Variants in SNAPC4 observed in about 807,000 individuals in gnomAD.
The protein encoded by SNAPC4 is snRNA-activating protein complex subunit 4.
In SNAPC4, 127 loss-of-function variants were observed where a neutral mutation model predicts 151.3. The observed-to-expected ratio is 0.84, with a 90% CI of 0.73 to 0.97. The LOEUF (loss-of-function observed/expected upper bound fraction) is 0.97. SNAPC4 is among the 50% of genes least tolerant of loss of function. SNAPC4 has a pLI of 0.00. For synonymous variants in SNAPC4, 1,002 were observed against 824.4 expected (o/e 1.22, Z -3.69); for missense variants, 2,186 against 1,935.0 (o/e 1.13, Z -2.43).
rs751068001 is a variant in SNAPC4 at position 136,376,380 on chromosome 9, G to A, written c.4386C>T (p.Thr1462=). 3.7e-6 allele frequency: 6 copies of A among 1,613,320 alleles called. No homozygotes were observed. The highest frequency in any genetic ancestry group is 5.1e-6 in the Non-Finnish European group (6 of 1,179,962). The change falls in exon 23 of 24, where the codon ACC becomes ACT. Residue 1462 remains threonine (T), a synonymous_variant. Transcript: ENST00000684778. ...CTCACACCAGCCGCCTCCGCTTCCG[G>A]GTGTGCCTGGCATGCCGGGTTCTGA... is the stretch of plus-strand genomic sequence containing the variant. ...DVLRTRHARH[T]RKRRRLV is the part of the protein sequence containing the mutation.
In SNAPC4 at chr9:136,382,186, G is replaced by C. The variant is rs914246565; in HGVS notation, c.2067+67C>G. On this transcript the variant is annotated intron_variant, in intron 17 of 23. Coordinates refer to ENST00000684778, the MANE Select transcript of SNAPC4 (RefSeq NM_003086.4). ...CCCATCAGGGCATGATCGACGGGGAGAGGAATCACTCAGACCAGGGCGGGG... is the reference window on the plus strand; with the variant it reads ...CCCATCAGGGCATGATCGACGGGGACAGGAATCACTCAGACCAGGGCGGGG... The C allele has an allele frequency of 2.5e-6, 4 of 1,596,510 alleles. No individual in the cohort carries two copies. The East Asian group carries it at 9.0e-5, about 36-fold the overall frequency.
chr9:136,398,547 G>A, intron 1 of SNAPC4, 110 bp from the exon 2 acceptor site: 2 of 1,236,082 alleles, frequency 1.6e-6, no homozygotes, highest in Non-Finnish European at 2.3e-6. Flanking sequence ...CTCGGCAGTG[G>A]GCACTGGGCT....
intron 14 of SNAPC4, 22 bp downstream of exon 14, chr9:136,384,698 G>A: frequency 1.7e-6 from 2 of 1,193,444 alleles, no homozygotes; most frequent in South Asian, 1.3e-5. Context: ...GAAACTAGAA[G>A]AACAAACTGT....
intron 21 of SNAPC4, 22 bp downstream of exon 21, chr9:136,379,815 C>T: frequency 6.2e-7 from 1 of 1,611,034 alleles, no homozygotes; most frequent in Non-Finnish European, 8.5e-7. Context: ...TCTTCCCCAC[C>T]AGGGCAGAGA....
chr9:136,394,375 C>G (rs771928618), intron 6 of SNAPC4, 45 bp from the exon 7 acceptor site: 2 of 1,533,266 alleles, frequency 1.3e-6, no homozygotes, highest in African/African-American at 2.7e-5. Flanking sequence ...TGGATCCTCT[C>G]CACGGCCCAG....
chr9:136,394,708 G>T, intron 6 of SNAPC4, 92 bp downstream of exon 6: 1 of 1,147,888 alleles, frequency 8.7e-7, no homozygotes, highest in Non-Finnish European at 1.3e-6. Context: ...AACAGAGAGA[G>T]GTCTGAGAAC....
intron 1 of SNAPC4, 104 bp from the exon 2 acceptor site, chr9:136,398,541 G>T: frequency 7.4e-7 from 1 of 1,349,254 alleles, no homozygotes; most frequent in Non-Finnish European, 1.0e-6. Flanking sequence ...AGCCTGCTCG[G>T]CAGTGGGCAC....
At chr9:136,398,475 G>C (rs569329122) in intron 1 of SNAPC4, 38 bp from the exon 2 acceptor site, 1 of 1,596,414 alleles carries the variant, frequency 6.3e-7, no homozygotes, top group Non-Finnish European at 8.6e-7. Context: ...TAGAAACCAA[G>C]ACCGTGCCGG....
At chr9:136,379,888 C>A in intron 20 of SNAPC4, 24 bp from the exon 21 acceptor site, 2 of 1,609,470 alleles carry the variant, frequency 1.2e-6, no homozygotes, top group South Asian at 2.2e-5. Flanking sequence ...AGAGGAGAGT[C>A]AGCAGCTCAG....
rs1007118087 is a variant in SNAPC4 at position 136,384,623 on chromosome 9, T to A, written c.1420+97A>T. ...ATGGTCGCACCACCGCACCCCAGCC[T>A]GGACGACAGAGCTTGCTCTGTCTTT... On this transcript the variant is annotated intron_variant, in intron 14 of 23. Transcript: ENST00000684778. 4 of 646,444 alleles carry A rather than the reference T, an allele frequency of 6.2e-6. No individual in the cohort carries two copies. In the East Asian group the frequency reaches 1.2e-4, roughly 20 times the overall value. The allele number at this position is 646,444 out of a possible 1,614,324, so 40.0% of individuals were successfully genotyped here. A position where few individuals can be genotyped will look rare whatever the true frequency, so the allele number is the denominator to read the frequency against.
chr9:136,383,885 G>A lies in SNAPC4; in HGVS notation c.1500+68C>T. 1 of 1,447,218 alleles carries A rather than the reference G, an allele frequency of 6.9e-7. No homozygotes were observed. Among genetic ancestry groups the A allele is most frequent in the South Asian group, 1.1e-5 (1 of 86,972 alleles). 89.6% of individuals were successfully genotyped at this position (1,447,218 alleles called of 1,614,324 possible). On this transcript the variant is annotated intron_variant, in intron 15 of 23. Transcript: ENST00000684778. The surrounding 1 kb of genome is among the most constrained non-coding windows in gnomAD (Gnocchi z 4.2). ...CGCCCCCCTCCCCTCCCCTCCTCCT[G>A]CCTGCTGGACCCCCCAGTTGACCAG...
At chr9:136,385,560 C>A (rs866262053) in intron 13 of SNAPC4, among the ~76,000 whole-genome samples, 10 of 134,708 alleles carry the variant, frequency 7.4e-5, no homozygotes, top group Non-Finnish European at 3.4e-5. Flanking sequence ...CCACTCCCCC[C>A]CCTTTTGTTT....
Position 136,391,910 on chromosome 9 carries a change from C to G in SNAPC4, c.975+32G>C, listed in dbSNP as rs1220074393. ...ATAGGGCCCACACGCCCTCAGGTCT[C>G]CTGGCCCCTGGGGTCCAGGCCAGGC... is the stretch of plus-strand genomic sequence containing the variant. On this transcript the variant is annotated intron_variant, in intron 10 of 23. Transcript: ENST00000684778. The G allele has an allele frequency of 1.9e-6, 3 of 1,592,544 alleles. No homozygotes were observed. In the African/African-American group the frequency reaches 4.0e-5, roughly 21 times the overall value.
chr9:136,377,060 C>T (rs919304893), intron 22 of SNAPC4, among the ~76,000 whole-genome samples: 7 of 152,202 alleles, frequency 4.6e-5, no homozygotes, highest in South Asian at 2.1e-4. Flanking sequence ...AACATGGTTT[C>T]ACCTACAGAG....
chr9:136,386,779 G>A (rs1833904364), intron 13 of SNAPC4, among the ~76,000 whole-genome samples: 1 of 150,532 alleles, frequency 6.6e-6, no homozygotes, highest in Non-Finnish European at 1.5e-5. Context: ...TTTTGAGACA[G>A]TCTTGCTCTG....
Position 136,394,234 on chromosome 9 carries a change from TGG to T in SNAPC4, c.632+13_632+14del. 1 of 1,599,172 alleles carries T rather than the reference TGG, an allele frequency of 6.3e-7. No individual in the cohort carries two copies. Among genetic ancestry groups the T allele is most frequent in the Non-Finnish European group, 8.5e-7 (1 of 1,169,702 alleles). ...CAGCCTGAAGACCGTTTTTGACTTA[TGG>T]TTTTAGACTTACTTCAGTAACTTGG... is the stretch of plus-strand genomic sequence containing the variant. On this transcript the variant is annotated intron_variant, in intron 7 of 23. Transcript: ENST00000684778.
intron 16 of SNAPC4, among the ~76,000 whole-genome samples, chr9:136,382,550 G>A (rs1187857706): frequency 6.6e-6 from 1 of 152,200 alleles, no homozygotes; most frequent in Non-Finnish European, 1.5e-5. Context: ...ACATTAACAG[G>A]GTCCCATGCC....
At position 136,377,849 on chromosome 9, in the gene SNAPC4, G is replaced by T; in HGVS notation, c.3978C>A (p.His1326Gln). The part of the protein sequence containing the change: ...GLLLHKKALE[H>Q]KATSLVVGGE... ...CCCCCACCACCAGGGAGGTGGCCTT[G>T]TGCTCCAGGGCCTTCTTGTGGAGTA... The change falls in exon 22 of 24, where the codon CAC becomes CAA. Residue 1326 changes from histidine to glutamine, a missense_variant. Coordinates refer to ENST00000684778, the MANE Select transcript of SNAPC4 (RefSeq NM_003086.4). The T allele has an allele frequency of 6.2e-7, 1 of 1,611,488 alleles. No homozygotes were observed. Among genetic ancestry groups the T allele is most frequent in the Non-Finnish European group, 8.5e-7 (1 of 1,179,824 alleles).
intron 10 of SNAPC4, among the ~76,000 whole-genome samples, chr9:136,389,396 C>T (rs117310857): frequency 6.6e-6 from 1 of 152,290 alleles, no homozygotes; most frequent in East Asian, 1.9e-4. Flanking sequence ...AAGTGAGCTG[C>T]TGGGTGGCAG....
Sources: allele counts gnomAD v4.1 joint callset (sites outside exome capture counted in the v4.1 genomes callset), GRCh38; gene constraint gnomAD v4.1.1; non-coding constraint Gnocchi (gnomAD v3.1); transcripts MANE v1.5; gene names NCBI Gene and HGNC (gene_info 2026-07-23, HGNC 2026-07-21).